Variants in CES4A observed in about 807,000 individuals in gnomAD.
CES4A encodes the protein carboxylesterase 6.
A neutral mutation model predicts 65.4 loss-of-function variants in CES4A; 48 were observed. That is an observed-to-expected ratio of 0.73 (90% confidence interval 0.58 to 0.93). The LOEUF is 0.93. Among genes scored for constraint, CES4A ranks in the 40% least tolerant of loss-of-function variants. The pLI is 0.00. For missense variants in CES4A, 685 were observed against 728.5 expected (o/e 0.94, Z 0.69); for synonymous variants, 247 against 281.8 (o/e 0.88, Z 1.24).
At chr16:67,005,134 A>C (rs1965652823) in intron 10 of CES4A, 106 bp from the exon 11 acceptor site, 2 of 1,206,218 alleles carry the variant, frequency 1.7e-6, no homozygotes, top group Non-Finnish European at 2.4e-6. Flanking sequence ...TCCCCCTCCC[A>C]GGCCAAAAAC....
intron 2 of CES4A, among the ~76,000 whole-genome samples, chr16:66,997,321 C>G (rs1964934076): frequency 6.6e-6 from 1 of 152,096 alleles, no homozygotes; most frequent in East Asian, 1.9e-4. Context: ...TAGAAACTGA[C>G]CATGAGCTGT....
rs61749482 is a variant in CES4A at position 66,995,784 on chromosome 16, C to T, written c.215C>T (p.Pro72Leu). Residue 72 changes from proline (P) to leucine (L), a missense_variant, in exon 2 of 14, where the codon CCG becomes CTG. Transcript: ENST00000648724. ...CTCAGGTTTGCACCTCCAGAACCCCCGGAGCCCTGGAAAGGAATCAGAGAT... is the reference window on the plus strand; with the variant it reads ...CTCAGGTTTGCACCTCCAGAACCCCTGGAGCCCTGGAAAGGAATCAGAGAT... The T allele has an allele frequency of 4.3e-5, 69 of 1,614,038 alleles. No individual in the cohort carries two copies. The highest frequency in any genetic ancestry group is 4.0e-5 in the African/African-American group (3 of 74,926).
chr16:67,000,822 A>C lies in CES4A; in HGVS notation c.403-35A>C. The C allele has an allele frequency of 6.4e-7, 1 of 1,555,596 alleles. No individual in the cohort carries two copies. ...CGCGCCCGCGGTCCCACCGCCGCCC[A>C]CCGCCCCGCTCAGATCCCGGCCTTC... On this transcript the variant is annotated intron_variant, in intron 3 of 13. Transcript: ENST00000648724. The surrounding 1 kb of genome is among the most constrained non-coding windows in gnomAD (Gnocchi z 4.2).
chr16:66,995,647 G>A (rs1447818008), exon 2 of CES4A: 2 of 1,614,036 alleles, frequency 1.2e-6, no homozygotes, highest in Non-Finnish European at 1.7e-6. Flanking sequence ...ACACCAAGAG[G>A]CCTCAAGTGG....
At position 67,000,426 on chromosome 16, in the gene CES4A, G is replaced by A. The variant is rs1965191247; in HGVS notation, c.261-212G>A. Reference sequence around the variant, plus strand: ...CTCCACGGACTGAGGCGCCGGGCAGGGAGGGGATGGTTCCTGAGAGGCCAA... The same window carrying A: ...CTCCACGGACTGAGGCGCCGGGCAGAGAGGGGATGGTTCCTGAGAGGCCAA... On this transcript the variant is annotated intron_variant, in intron 2 of 13. Coordinates refer to ENST00000648724, the Ensembl canonical transcript of CES4A. This position sits in a 1 kb window ranked among gnomAD's most constrained non-coding sequence, Gnocchi z 4.2. 7.3e-7 allele frequency: 1 copy of A among 1,377,964 alleles called. No individual in the cohort carries two copies. The allele number at this position is 1,377,964 out of a possible 1,614,324, so 85.4% of individuals were successfully genotyped here. A position where few individuals can be genotyped will look rare whatever the true frequency, so the allele number is the denominator to read the frequency against.
In CES4A at chr16:67,006,188, A is replaced by G; in HGVS notation, c.1316-203A>G. The G allele has an allele frequency of 8.7e-6, 5 of 575,392 alleles. No homozygotes were observed. In the South Asian group the frequency reaches 1.1e-4, roughly 13 times the overall value. The allele number at this position is 575,392 out of a possible 1,614,324, so 35.6% of individuals were successfully genotyped here. A position where few individuals can be genotyped will look rare whatever the true frequency, so the allele number is the denominator to read the frequency against. On this transcript the variant is annotated intron_variant, in intron 11 of 13. Coordinates refer to ENST00000648724, the Ensembl canonical transcript of CES4A. ...ATTCTCAGTCTGAAGATAAGGAATT[A>G]TTGATACAATTCAGAAAGGTAGAGC...
At position 67,003,089 on chromosome 16, in the gene CES4A, C is replaced by T. The variant is rs373745989; in HGVS notation, c.710C>T (p.Ser237Leu). 1.4e-5 allele frequency: 23 copies of T among 1,614,062 alleles called. No homozygotes were observed. The highest frequency in any genetic ancestry group is 3.3e-5 in the Admixed American group (2 of 60,018). ...TTGCAGATGATGTCACCCCTAGCCT[C>T]GGGTCTCTTCCATCGGGCCATTTCC... The change falls in exon 6 of 14, where the codon TCG becomes TTG. Residue 237 changes from serine (S) to leucine (L), a missense_variant. Transcript: ENST00000648724. This position sits in a 1 kb window ranked among gnomAD's most constrained non-coding sequence, Gnocchi z 4.2.
At chr16:66,993,165 G>T (rs1173844087) in intron 1 of CES4A, among the ~76,000 whole-genome samples, 1 of 152,218 alleles carries the variant, frequency 6.6e-6, no homozygotes, top group Non-Finnish European at 1.5e-5. Flanking sequence ...TCATATCTAT[G>T]CCAAGAGCTG....
In CES4A at chr16:67,001,079, A is replaced by T; in HGVS notation, c.536+89A>T. On this transcript the variant is annotated intron_variant, in intron 4 of 13. Coordinates refer to ENST00000648724, the Ensembl canonical transcript of CES4A. The surrounding 1 kb of genome is among the most constrained non-coding windows in gnomAD (Gnocchi z 4.1). ...GGGAGGGGCGGGGCCTGGGGCGGGG[A>T]TGGGGGGGGTGGGGCCGCGAGGCGG... The T allele has an allele frequency of 3.3e-5, 4 of 122,820 alleles. No homozygotes were observed. Among genetic ancestry groups the T allele is most frequent in the Non-Finnish European group, 5.7e-5 (4 of 69,826 alleles). The allele number at this position is 122,820 out of a possible 1,614,324, so 7.6% of individuals were successfully genotyped here.
At chr16:66,990,119 C>T (rs1459978540) in intron 1 of CES4A, among the ~76,000 whole-genome samples, 18 of 144,620 alleles carry the variant, frequency 1.2e-4, no homozygotes. Flanking sequence ...GGTGCCATCT[C>T]CGCTCACCGC....
rs1391328474 is a variant in CES4A, at chr16:67,005,271, T to C, written c.1193T>C (p.Val398Ala). 2 of 1,614,050 alleles carry C rather than the reference T, an allele frequency of 1.2e-6. No individual in the cohort carries two copies. Among genetic ancestry groups the C allele is most frequent in the East Asian group, 4.5e-5 (2 of 44,884 alleles). Residue 398 changes from valine (V) to alanine (A), a missense_variant, in exon 11 of 14, where the codon GTG becomes GCG. Physicochemically the swap from Val to Ala is moderately conservative, Grantham distance 64 (BLOSUM62 0). Transcript: ENST00000648724. ...ACCAAGGAGCAGGTACCACTTGTGGTGGAGGAGTACCTGGACAATGTCAAT... is the reference window on the plus strand; with the variant it reads ...ACCAAGGAGCAGGTACCACTTGTGGCGGAGGAGTACCTGGACAATGTCAAT...
chr16:67,004,057 TG>T, intron 8 of CES4A, 26 bp from the exon 9 acceptor site: 1 of 1,612,802 alleles, frequency 6.2e-7, no homozygotes, highest in Non-Finnish European at 8.5e-7. Context: ...TTGAGGAGAC[TG>T]GCTGGAAATG....
intron 5 of CES4A, among the ~76,000 whole-genome samples, chr16:67,002,778 C>T (rs1358362999): frequency 6.6e-6 from 1 of 152,108 alleles, no homozygotes; most frequent in African/African-American, 2.4e-5. Flanking sequence ...CTTCCACCTA[C>T]CCCTCATTTC....
chr16:66,994,045 G>A (rs984630823), intron 1 of CES4A, among the ~76,000 whole-genome samples: 2 of 151,468 alleles, frequency 1.3e-5, no homozygotes, highest in Non-Finnish European at 2.9e-5. Context: ...GGCTTGCAGT[G>A]AGCCGAGATC....
chr16:67,000,835 G>C lies in CES4A; in HGVS notation c.403-22G>C. 6.4e-7 allele frequency: 1 copy of C among 1,566,700 alleles called. No individual in the cohort carries two copies. The highest frequency in any genetic ancestry group is 8.7e-7 in the Non-Finnish European group (1 of 1,155,476). ...CCACCGCCGCCCACCGCCCCGCTCA[G>C]ATCCCGGCCTTCTTCGTCCAGGTGA... On this transcript the variant is annotated intron_variant, in intron 3 of 13. Coordinates refer to ENST00000648724, the Ensembl canonical transcript of CES4A. This position sits in a 1 kb window ranked among gnomAD's most constrained non-coding sequence, Gnocchi z 4.2.
At chr16:66,999,740 G>A (rs907925444) in intron 2 of CES4A, among the ~76,000 whole-genome samples, 1 of 152,220 alleles carries the variant, frequency 6.6e-6, no homozygotes, top group Non-Finnish European at 1.5e-5. Flanking sequence ...GGCAGAGGTA[G>A]CAGTGAGCCA....
At chr16:66,999,065 G>A (rs1469866507) in intron 2 of CES4A, among the ~76,000 whole-genome samples, 1 of 152,192 alleles carries the variant, frequency 6.6e-6, no homozygotes, top group Admixed American at 6.5e-5. Context: ...TCAGAGCCCT[G>A]GCTTTCCTGG....
At chr16:67,008,818 C>T (rs1264862996) in intron 13 of CES4A, 156 bp from the exon 14 acceptor site, 13 of 747,554 alleles carry the variant, frequency 1.7e-5, no homozygotes, top group Middle Eastern at 2.7e-4. Flanking sequence ...CACCCCAATA[C>T]ACACTTTCCT....
chr16:67,005,658 C>A, intron 11 of CES4A: 1 of 379,304 alleles, frequency 2.6e-6, no homozygotes, highest in Admixed American at 4.5e-5. Flanking sequence ...ACCAGCCTCA[C>A]CAACATGGTG....
Sources: gnomAD v4.1 joint callset for allele counts (sites outside exome capture counted in the v4.1 genomes callset) on GRCh38, gnomAD v4.1.1 for gene constraint, Gnocchi (gnomAD v3.1) non-coding constraint, MANE v1.5 for transcripts, NCBI Gene and HGNC (gene_info 2026-07-23, HGNC 2026-07-21) for gene names.